The following PLEKHA7 variants were observed in gnomAD, a reference collection of about 807,000 sequenced individuals.
The protein encoded by PLEKHA7 is pleckstrin homology domain containing A7, also known as pleckstrin homology domain-containing family A member 7.
A neutral mutation model predicts 170.0 loss-of-function variants in PLEKHA7; 104 were observed. The ratio of observed to expected loss-of-function variants is 0.61; its 90% confidence interval spans 0.52 to 0.72. The LOEUF (loss-of-function observed/expected upper bound fraction) is 0.72, where lower values mean the gene tolerates loss of function less well. PLEKHA7 is among the 30% of genes least tolerant of loss of function. PLEKHA7 has a pLI of 0.00. For missense variants in PLEKHA7, 1,615 were observed against 1,671.7 expected (o/e 0.97, Z 0.59); for synonymous variants, 648 against 660.8 (o/e 0.98, Z 0.30).
intron 6 of PLEKHA7, 26 bp from the exon 7 acceptor site, chr11:16,852,381 G>A: frequency 6.2e-7 from 1 of 1,605,360 alleles, no homozygotes; most frequent in African/African-American, 1.3e-5. Context: ...AACTAGTCAG[G>A]GTAATATCTG....
chr11:16,789,576 C>T lies in PLEKHA7; in HGVS notation c.3156+199G>A, dbSNP rs1847688051. 1 of 624,478 alleles carries T rather than the reference C, an allele frequency of 1.6e-6. No homozygotes were observed. Among genetic ancestry groups the T allele is most frequent in the Non-Finnish European group, 2.8e-6 (1 of 359,022 alleles). The allele number at this position is 624,478 out of a possible 1,614,324, so 38.7% of individuals were successfully genotyped here. On this transcript the variant is annotated intron_variant, in intron 22 of 26. Transcript: ENST00000531066. The surrounding 1 kb of genome is among the most constrained non-coding windows in gnomAD (Gnocchi z 4.6). ...GGGTGCAGGCTTCTTGAGCTCCCTC[C>T]TGCCACCCTGACAGGCCAGAGAGAA... is the stretch of plus-strand genomic sequence containing the variant.
intron 3 of PLEKHA7, among the ~76,000 whole-genome samples, chr11:16,992,582 C>T (rs1422573125): frequency 1.3e-5 from 2 of 152,054 alleles, no homozygotes; most frequent in Admixed American, 6.6e-5. Flanking sequence ...GTGGTGAAAC[C>T]TTGTCTCTAC....
At chr11:16,790,626 G>A (rs1847773300) in intron 21 of PLEKHA7, 172 bp downstream of exon 21, 1 of 612,260 alleles carries the variant, frequency 1.6e-6, no homozygotes, top group Admixed American at 3.0e-5. Context: ...ATCAGGATGT[G>A]GGCCAGAGGA....
intron 3 of PLEKHA7, among the ~76,000 whole-genome samples, chr11:16,905,359 C>A (rs569245463): frequency 7.9e-5 from 12 of 152,304 alleles, no homozygotes; most frequent in African/African-American, 2.9e-4. Context: ...CTGTTTTTCC[C>A]CTTTGTCTAT....
intron 13 of PLEKHA7, among the ~76,000 whole-genome samples, 158 bp downstream of exon 13, chr11:16,812,955 G>A (rs56272049): frequency 1.6e-3 from 244 of 152,324 alleles, no homozygotes; most frequent in African/African-American, 5.7e-3. Flanking sequence ...TAGTCTGTAA[G>A]AAATAAAGTT....
At chr11:16,810,262 CT>C (rs1471873457) in intron 13 of PLEKHA7, among the ~76,000 whole-genome samples, 13 of 152,254 alleles carry the variant, frequency 8.5e-5, no homozygotes, top group Admixed American at 2.6e-4. Context: ...TACCTCTCCC[CT>C]GATTCCAGCC....
At chr11:16,984,586 G>A (rs1007974759) in intron 3 of PLEKHA7, among the ~76,000 whole-genome samples, 4 of 152,094 alleles carry the variant, frequency 2.6e-5, no homozygotes, top group African/African-American at 9.7e-5. Context: ...TCTCCACAAA[G>A]AGGCCTCTTC....
chr11:16,949,727 G>A (rs1861282943), intron 3 of PLEKHA7, among the ~76,000 whole-genome samples: 1 of 152,088 alleles, frequency 6.6e-6, no homozygotes, highest in Non-Finnish European at 1.5e-5. Context: ...TCTAGCACAG[G>A]AGTTAAGACA....
chr11:16,813,104 G>T lies in PLEKHA7; in HGVS notation c.2007+9C>A. The T allele has an allele frequency of 6.2e-7, 1 of 1,611,836 alleles. No individual in the cohort carries two copies. Among genetic ancestry groups the T allele is most frequent in the South Asian group, 1.1e-5 (1 of 91,000 alleles). Reference sequence around the variant, plus strand: ...ATGCAAGGAAGGCAGGAACCCTGATGTCACTTACCTTTAGATCCAGGTACT... The same window carrying T: ...ATGCAAGGAAGGCAGGAACCCTGATTTCACTTACCTTTAGATCCAGGTACT... On this transcript the variant is annotated intron_variant, in intron 13 of 26. Transcript: ENST00000531066.
At chr11:16,871,274 T>TCC (rs1854822846) in intron 3 of PLEKHA7, 92 bp from the exon 4 acceptor site, 1 of 981,626 alleles carries the variant, frequency 1.0e-6, no homozygotes, top group South Asian at 1.3e-5. Context: ...GTGACCCTGG[T>TCC]CATCAAAGAT....
chr11:16,966,505 G>A (rs1391392424), intron 3 of PLEKHA7, among the ~76,000 whole-genome samples: 2 of 152,090 alleles, frequency 1.3e-5, no homozygotes, highest in Non-Finnish European at 2.9e-5. Context: ...ACTGGGAAGA[G>A]CAAGCAAGGC....
intron 3 of PLEKHA7, among the ~76,000 whole-genome samples, chr11:16,930,673 C>G (rs1171045599): frequency 6.6e-6 from 1 of 152,138 alleles, no homozygotes; most frequent in Admixed American, 6.5e-5. Context: ...TCTAATCAAG[C>G]TAATTTTACT....
intron 3 of PLEKHA7, among the ~76,000 whole-genome samples, chr11:16,913,419 C>G (rs186350711): frequency 2.1e-4 from 32 of 152,260 alleles, no homozygotes; most frequent in African/African-American, 7.5e-4. Context: ...CAACTCGATG[C>G]AAGGACTGCC....
intron 26 of PLEKHA7, among the ~76,000 whole-genome samples, chr11:16,779,270 A>C (rs939445998): frequency 6.6e-6 from 1 of 152,188 alleles, no homozygotes; most frequent in African/African-American, 2.4e-5. Context: ...GACAGGGCAA[A>C]GACTCTAATA....
intron 17 of PLEKHA7, among the ~76,000 whole-genome samples, chr11:16,797,516 T>G (rs1031409876): frequency 5.3e-5 from 8 of 152,170 alleles, no homozygotes; most frequent in African/African-American, 1.9e-4. Context: ...GAGCAAATAC[T>G]TTCCAACAGC....
rs111729761 is a variant in PLEKHA7 at position 16,851,307 on chromosome 11, T to C, written c.596-16A>G. On this transcript the variant is annotated splice_polypyrimidine_tract_variant and intron_variant, in intron 7 of 26. Coordinates refer to ENST00000531066, the MANE Select transcript of PLEKHA7 (RefSeq NM_001329630.2). ...TCTCGGCTGTCTTTGAATGGAAAAA[T>C]GCATCAGAACAACCTTCTGGGCAGT... 1,214 of 1,599,812 alleles carry C rather than the reference T, an allele frequency of 7.6e-4. 11 individuals are homozygous for C. In the African/African-American group the frequency reaches 0.014, roughly 19 times the overall value.
intron 3 of PLEKHA7, among the ~76,000 whole-genome samples, chr11:16,953,557 T>C (rs569160494): frequency 6.6e-6 from 1 of 152,346 alleles, no homozygotes; most frequent in African/African-American, 2.4e-5. Context: ...CTGGATCACA[T>C]GCTTGACAGG....
chr11:16,841,453 G>T, intron 9 of PLEKHA7, 94 bp downstream of exon 9: 1 of 1,357,720 alleles, frequency 7.4e-7, no homozygotes, highest in Non-Finnish European at 1.0e-6. Context: ...TAATACAAGT[G>T]AGTAAATGGA....
At chr11:16,845,442 C>T (rs1852316049) in intron 8 of PLEKHA7, among the ~76,000 whole-genome samples, 1 of 152,208 alleles carries the variant, frequency 6.6e-6, no homozygotes, top group Non-Finnish European at 1.5e-5. Context: ...TCTTCGCTCA[C>T]TGCAACCTTC....
Sources: gnomAD v4.1 joint callset for allele counts (sites outside exome capture counted in the v4.1 genomes callset) on GRCh38, gnomAD v4.1.1 for gene constraint, Gnocchi (gnomAD v3.1) non-coding constraint, MANE v1.5 for transcripts, NCBI Gene and HGNC (gene_info 2026-07-23, HGNC 2026-07-21) for gene names.